Variants in FARP1 observed in about 807,000 individuals in gnomAD.
FARP1 encodes FERM, ARHGEF and pleckstrin domain-containing protein 1.
In FARP1, 52 loss-of-function variants were observed where a neutral mutation model predicts 128.8. The ratio of observed to expected loss-of-function variants is 0.40; its 90% CI spans 0.32 to 0.51. The LOEUF is 0.51. FARP1 is among the 20% of genes least tolerant of loss of function. The probability of loss-of-function intolerance (pLI) is 0.45; values close to 1 mark genes in which losing one functional copy is unlikely to be tolerated. For synonymous variants in FARP1, 580 were observed against 551.8 expected (o/e 1.05, Z -0.72); for missense variants, 1,333 against 1,367.9 (o/e 0.97, Z 0.40).
At chr13:98,171,629 C>T (rs1356545158) in intron 1 of FARP1, among the ~76,000 whole-genome samples, 1 of 152,022 alleles carries the variant, frequency 6.6e-6, no homozygotes, top group Non-Finnish European at 1.5e-5. Context: ...TTTATTTTAC[C>T]AAGGTATAAC....
chr13:98,358,001 C>CT (rs1444195256), intron 3 of FARP1, among the ~76,000 whole-genome samples: 1 of 152,036 alleles, frequency 6.6e-6, no homozygotes. Flanking sequence ...GTTTTCCAGA[C>CT]TGGCTGATGG....
chr13:98,144,281 G>C (rs998417349), intron 1 of FARP1, among the ~76,000 whole-genome samples: 2 of 152,052 alleles, frequency 1.3e-5, no homozygotes, highest in Non-Finnish European at 2.9e-5. Flanking sequence ...GATCTCGTTT[G>C]TGGCAGCTGG....
At chr13:98,359,460 G>A (rs1383057073) in intron 3 of FARP1, among the ~76,000 whole-genome samples, 1 of 152,166 alleles carries the variant, frequency 6.6e-6, no homozygotes, top group Admixed American at 6.5e-5. Context: ...GGGGAAAAAG[G>A]ATGTTTTGAG....
chr13:98,213,733 A>G (rs1011669318), intron 2 of FARP1, among the ~76,000 whole-genome samples: 6 of 152,146 alleles, frequency 3.9e-5, no homozygotes, highest in African/African-American at 1.4e-4. Context: ...AACTGGAGGG[A>G]AGAGTGGTCT....
At position 98,206,432 on chromosome 13, in the gene FARP1, G is replaced by C. The variant is rs563934847; in HGVS notation, c.-23-6788G>C. 2.0e-5 allele frequency among the ~76,000 whole-genome samples: 3 copies of C among 152,276 alleles called. No homozygotes were observed. In the East Asian group the frequency reaches 5.8e-4, roughly 29 times the overall value. On this transcript the variant is annotated intron_variant, in intron 1 of 26. Transcript: ENST00000319562. Reference sequence around the variant, plus strand: ...TGCACACCTGTCCCTGTTATTCCAAGAAAGTTATGACTGGTTTGCTGCTTA... The same window carrying C: ...TGCACACCTGTCCCTGTTATTCCAACAAAGTTATGACTGGTTTGCTGCTTA...
intron 1 of FARP1, among the ~76,000 whole-genome samples, chr13:98,185,295 T>C (rs1252134830): frequency 6.6e-6 from 1 of 152,166 alleles, no homozygotes; most frequent in Non-Finnish European, 1.5e-5. Context: ...AAAAGCAGTA[T>C]ACCGCTGGAA....
At chr13:98,359,682 G>A (rs936272006) in intron 3 of FARP1, among the ~76,000 whole-genome samples, 6 of 152,226 alleles carry the variant, frequency 3.9e-5, no homozygotes, top group African/African-American at 1.4e-4. Flanking sequence ...AGTTGCCAGT[G>A]TGTTGGAGTT....
At chr13:98,260,449 A>G (rs1883823108) in intron 2 of FARP1, among the ~76,000 whole-genome samples, 1 of 152,202 alleles carries the variant, frequency 6.6e-6, no homozygotes, top group African/African-American at 2.4e-5. Flanking sequence ...CACTGAGTTT[A>G]GCCTTTGCAG....
intron 1 of FARP1, among the ~76,000 whole-genome samples, chr13:98,179,247 G>GC (rs550801310): frequency 5.1e-4 from 78 of 152,266 alleles, no homozygotes; most frequent in African/African-American, 1.6e-3. Flanking sequence ...AAAGGGGTTT[G>GC]CCCTTATAAA....
intron 2 of FARP1, among the ~76,000 whole-genome samples, chr13:98,244,084 A>G (rs1330749166): frequency 6.6e-6 from 1 of 152,128 alleles, no homozygotes; most frequent in Admixed American, 6.6e-5. Flanking sequence ...ACTTCATTAA[A>G]ATTTCAGAGA....
chr13:98,404,376 A>G (rs1238504265), intron 13 of FARP1: 1 of 150,582 alleles, frequency 6.6e-6, no homozygotes, highest in Non-Finnish European at 1.5e-5. Flanking sequence ...TGTAATTTCT[A>G]TAAAATACCG....
chr13:98,376,032 A>C (rs1449391995), intron 5 of FARP1, among the ~76,000 whole-genome samples: 1 of 152,024 alleles, frequency 6.6e-6, no homozygotes, highest in Non-Finnish European at 1.5e-5. Flanking sequence ...TTGTATCATT[A>C]TTTTCACATC....
Position 98,417,458 on chromosome 13 carries a change from A to AGG in FARP1, c.1826+5424_1826+5425insGG, listed in dbSNP as rs1281544366. Among the ~76,000 whole-genome samples the AGG allele has an allele frequency of 4.4e-3, 380 of 87,248 alleles. 12 individuals are homozygous for AGG. The highest frequency in any genetic ancestry group is 0.017 in the African/African-American group (355 of 21,440). The allele number at this position is 87,248 out of a possible 152,430, so 57.2% of individuals were successfully genotyped here. ...AAACAGAGGCCACCAGAGGTTTGAA[A>AGG]AAAAAAAAAAAAAAAAAAAAAAAAA... On this transcript the variant is annotated intron_variant, in intron 16 of 26. Transcript: ENST00000319562.
Position 98,440,001 on chromosome 13 carries a change from T to A in FARP1, c.2474T>A (p.Leu825Gln), listed in dbSNP as rs1163299526. 7 of 1,600,140 alleles carry A rather than the reference T, an allele frequency of 4.4e-6. No individual in the cohort carries two copies. The highest frequency in any genetic ancestry group is 6.0e-6 in the Non-Finnish European group (7 of 1,170,312). ...GACGAGTGGGGGGTGCCCCACTGCC[T>A]GACCCTCCGGGGCCAGCGGCAGTCC... ...SEDEWGVPHC[L>Q]TLRGQRQSII... The change falls in exon 22 of 27, where the codon CTG becomes CAG. Residue 825 changes from leucine to glutamine, a missense_variant. By Grantham distance (113) the Leu-to-Gln change is moderately radical. Coordinates refer to ENST00000319562, the MANE Select transcript of FARP1 (RefSeq NM_005766.4).
chr13:98,330,777 C>T (rs1309125657), intron 2 of FARP1, among the ~76,000 whole-genome samples: 1 of 151,846 alleles, frequency 6.6e-6, no homozygotes, highest in African/African-American at 2.4e-5. Context: ...TTAAGGTACT[C>T]ACAGAAGGTA....
At chr13:98,222,045 T>A (rs1046534608) in intron 2 of FARP1, among the ~76,000 whole-genome samples, 13 of 152,226 alleles carry the variant, frequency 8.5e-5, no homozygotes, top group African/African-American at 3.1e-4. Context: ...ATGACTTAGT[T>A]TGGGATTTCT....
chr13:98,226,716 C>T (rs1881796297), intron 2 of FARP1, among the ~76,000 whole-genome samples: 1 of 152,108 alleles, frequency 6.6e-6, no homozygotes, highest in Non-Finnish European at 1.5e-5. Context: ...TGTATGTGTA[C>T]TTGGAATTAG....
chr13:98,369,451 G>C (rs1339835865), intron 5 of FARP1, among the ~76,000 whole-genome samples: 2 of 150,666 alleles, frequency 1.3e-5, no homozygotes, highest in Non-Finnish European at 2.9e-5. Context: ...TGCCATGCTG[G>C]TGTGCTGCAC....
chr13:98,436,636 G>A (rs1299182755), intron 19 of FARP1, among the ~76,000 whole-genome samples: 1 of 152,180 alleles, frequency 6.6e-6, no homozygotes, highest in East Asian at 1.9e-4. Flanking sequence ...GAGCATTTCT[G>A]TCAGGAAGCC....
Sources: gnomAD v4.1 joint callset for allele counts (sites outside exome capture counted in the v4.1 genomes callset) on GRCh38, gnomAD v4.1.1 for gene constraint, MANE v1.5 for transcripts, NCBI Gene and HGNC (gene_info 2026-07-23, HGNC 2026-07-21) for gene names.